Variants in TLK1 observed in about 807,000 individuals in gnomAD.
TLK1 encodes tousled like kinase 1.
In TLK1, 24 loss-of-function variants were observed where a neutral mutation model predicts 105.3. The ratio of observed to expected loss-of-function variants is 0.23; its 90% CI spans 0.17 to 0.32. The LOEUF (loss-of-function observed/expected upper bound fraction) is 0.32. Ranked by LOEUF, TLK1 falls within the 10% of genes least tolerant of loss-of-function variation. TLK1 has a pLI of 1.00. For missense variants in TLK1, 558 were observed against 910.5 expected, an observed-to-expected ratio of 0.61 and a Z score of 4.98; for synonymous variants, 321 against 310.4, an observed-to-expected ratio of 1.03 and a Z score of -0.36.
At chr2:171,131,890 C>G (rs1421943739) in intron 1 of TLK1, among the ~76,000 whole-genome samples, 1 of 151,806 alleles carries the variant, frequency 6.6e-6, no homozygotes, top group Admixed American at 6.6e-5. Flanking sequence ...CCCTGGCATT[C>G]AAAGACACTT....
intron 11 of TLK1, among the ~76,000 whole-genome samples, chr2:171,035,604 A>C (rs1223918173): frequency 6.6e-6 from 1 of 152,220 alleles, no homozygotes; most frequent in Non-Finnish European, 1.5e-5. Context: ...AAAGACTTCC[A>C]TATCCTAATC....
intron 1 of TLK1, among the ~76,000 whole-genome samples, chr2:171,119,495 G>A (rs918307553): frequency 6.6e-6 from 1 of 152,146 alleles, no homozygotes; most frequent in African/African-American, 2.4e-5. Flanking sequence ...CTTAAGCCTG[G>A]CACTGAAACT....
At chr2:171,226,692 T>C (rs1477410781) in intron 1 of TLK1, among the ~76,000 whole-genome samples, 1 of 152,162 alleles carries the variant, frequency 6.6e-6, no homozygotes, top group Non-Finnish European at 1.5e-5. Flanking sequence ...AGTTTTATAA[T>C]TCTGGCTGAA....
At chr2:171,173,693 A>G (rs746975122) in intron 1 of TLK1, among the ~76,000 whole-genome samples, 6 of 152,106 alleles carry the variant, frequency 3.9e-5, no homozygotes, top group Admixed American at 1.3e-4. Flanking sequence ...ATCTGGCCCA[A>G]TGATGACTCT....
chr2:171,162,912 C>A (rs1692541541), upstream of TLK1, among the ~76,000 whole-genome samples: 1 of 152,202 alleles, frequency 6.6e-6, no homozygotes, highest in South Asian at 2.1e-4. Context: ...CCTGCCTCAA[C>A]CTCCTGAGTA....
chr2:171,037,573 G>T (rs1575539071), intron 11 of TLK1, among the ~76,000 whole-genome samples: 1 of 151,988 alleles, frequency 6.6e-6, no homozygotes, highest in African/African-American at 2.4e-5. Context: ...TTTAGTCACA[G>T]ATCAATGTTG....
At chr2:171,044,267 T>G (rs1181231251) in intron 11 of TLK1, among the ~76,000 whole-genome samples, 1 of 151,492 alleles carries the variant, frequency 6.6e-6, no homozygotes, top group African/African-American at 2.4e-5. Flanking sequence ...TTCAAAACAA[T>G]AAAAAATAAA....
intron 11 of TLK1, among the ~76,000 whole-genome samples, chr2:171,037,473 C>T (rs1366636315): frequency 6.6e-6 from 1 of 151,384 alleles, no homozygotes; most frequent in African/African-American, 2.4e-5. Context: ...CATGATGACC[C>T]AAGAGTACAG....
At chr2:171,151,779 G>A (rs1427395160) in intron 1 of TLK1, among the ~76,000 whole-genome samples, 1 of 150,786 alleles carries the variant, frequency 6.6e-6, no homozygotes, top group African/African-American at 2.4e-5. Context: ...CCAGCCATGT[G>A]TATCTTTAAG....
At chr2:171,123,790 C>A (rs532625626) in intron 1 of TLK1, among the ~76,000 whole-genome samples, 2 of 152,020 alleles carry the variant, frequency 1.3e-5, no homozygotes, top group African/African-American at 4.8e-5. Flanking sequence ...CCAGCCTGGG[C>A]GCAGAATGAG....
intron 1 of TLK1, among the ~76,000 whole-genome samples, chr2:171,121,809 G>T (rs1393877652): frequency 1.3e-5 from 2 of 152,104 alleles, no homozygotes; most frequent in Non-Finnish European, 2.9e-5. Flanking sequence ...GTTTTTCCCA[G>T]ATATATAGCT....
At chr2:171,177,684 C>A (rs1692855182) in intron 1 of TLK1, among the ~76,000 whole-genome samples, 1 of 152,216 alleles carries the variant, frequency 6.6e-6, no homozygotes, top group Non-Finnish European at 1.5e-5. Flanking sequence ...GACTCAAGGT[C>A]CTTACTGAAT....
intron 2 of TLK1, among the ~76,000 whole-genome samples, chr2:171,084,988 T>C (rs1360553596): frequency 6.6e-6 from 1 of 151,698 alleles, no homozygotes; most frequent in Admixed American, 6.6e-5. Context: ...GAAAAGTATT[T>C]GAGAGTAAGC....
intron 8 of TLK1, among the ~76,000 whole-genome samples, chr2:171,051,222 G>A (rs1244402812): frequency 2.0e-5 from 3 of 152,118 alleles, no homozygotes; most frequent in Admixed American, 6.6e-5. Context: ...AAAAGAAGAA[G>A]AGGATATCTG....
chr2:171,147,089 G>A (rs191152051), intron 1 of TLK1, among the ~76,000 whole-genome samples: 80 of 152,290 alleles, frequency 5.3e-4, no homozygotes, highest in Non-Finnish European at 2.2e-4. Context: ...CCCACAAGGT[G>A]TTCTTCAAAA....
chr2:170,993,870 G>A lies in TLK1; in HGVS notation c.2211C>T (p.His737=), dbSNP rs2105346524. 1 of 1,613,200 alleles carries A rather than the reference G, an allele frequency of 6.2e-7. No homozygotes were observed. The highest frequency in any genetic ancestry group is 1.1e-5 in the South Asian group (1 of 90,886). Residue 737 remains histidine, a synonymous_variant, in exon 21 of 21, where the codon CAC becomes CAT. Coordinates refer to ENST00000431350, the MANE Select transcript of TLK1 (RefSeq NM_012290.5). The part of the protein sequence containing the change: ...QLANDPYLLP[H]MRRSNSSGNL... ...TTCCTGAAGAATTTGATCTTCTCAT[G>A]TGTGGGAGAAGGTATGGGTCATTTG...
intron 1 of TLK1, among the ~76,000 whole-genome samples, chr2:171,230,099 G>C (rs1693967021): frequency 6.6e-6 from 1 of 151,870 alleles, no homozygotes; most frequent in African/African-American, 2.4e-5. Flanking sequence ...CTTATTTCCA[G>C]AGGCCCACCA....
intron 11 of TLK1, among the ~76,000 whole-genome samples, chr2:171,042,767 G>A (rs1426341592): frequency 6.6e-6 from 1 of 151,448 alleles, no homozygotes; most frequent in East Asian, 1.9e-4. Context: ...TTTAAGCCAA[G>A]TCTTAAAGGA....
At chr2:171,206,451 A>G (rs1575658863) in intron 1 of TLK1, among the ~76,000 whole-genome samples, 1 of 152,170 alleles carries the variant, frequency 6.6e-6, no homozygotes, top group East Asian at 1.9e-4. Flanking sequence ...CAAATGTTCT[A>G]AAGAGGGAGG....
Sources: gnomAD v4.1 joint callset for allele counts (sites outside exome capture counted in the v4.1 genomes callset) on GRCh38, gnomAD v4.1.1 for gene constraint, MANE v1.5 for transcripts, NCBI Gene and HGNC (gene_info 2026-07-23, HGNC 2026-07-21) for gene names.